Variants in RUNX2 observed in about 807,000 individuals in gnomAD.
The protein encoded by RUNX2 is runt-related transcription factor 2.
Under a neutral mutation model 51.7 loss-of-function variants are expected in RUNX2, and 10 were observed. That is an observed-to-expected ratio of 0.19 (90% CI 0.12 to 0.33). The LOEUF is 0.33. RUNX2 is among the 10% of genes least tolerant of loss of function. RUNX2 has a pLI of 1.00. For synonymous variants in RUNX2, 276 were observed against 273.6 expected, an observed-to-expected ratio of 1.01 and a Z score of -0.09; for missense variants, 562 against 691.3, an observed-to-expected ratio of 0.81 and a Z score of 2.10.
rs73737451 is a variant in RUNX2, at chr6:45,520,657, G to C, written c.1021+8250G>C. Among the ~76,000 whole-genome samples, 365 of 151,564 alleles carry C rather than the reference G, an allele frequency of 2.4e-3. 4 individuals carry two copies. Among genetic ancestry groups the C allele is most frequent in the African/African-American group, 7.7e-3 (318 of 41,256 alleles). The stretch of plus-strand genomic sequence containing the variant: ...AACACCACTTTCTTCAAAGTGAATC[G>C]CTGTCTCATCTACACCCATTTGTAT... On this transcript the variant is annotated intron_variant, in intron 7 of 8. Transcript: ENST00000647337.
At chr6:45,448,743 G>C (rs1006159510) in intron 5 of RUNX2, among the ~76,000 whole-genome samples, 39 of 152,038 alleles carry the variant, frequency 2.6e-4, no homozygotes, top group African/African-American at 7.7e-4. Context: ...ATACAATCTG[G>C]GTAAAAACGC....
chr6:45,546,683 T>C, intron 8 of RUNX2, 144 bp from the exon 9 acceptor site: 1 of 705,116 alleles, frequency 1.4e-6, no homozygotes, highest in Non-Finnish European at 2.4e-6. Flanking sequence ...GTAAAGTGAC[T>C]GGTGCATTTG....
intron 2 of RUNX2, among the ~76,000 whole-genome samples, chr6:45,399,769 AGGAG>A (rs553992896): frequency 0.065 from 9,331 of 142,560 alleles, 330 homozygotes; most frequent in African/African-American, 0.098. Flanking sequence ...AAAGGAAGGA[AGGAG>A]GGAGGGAGGG....
intron 2 of RUNX2, among the ~76,000 whole-genome samples, chr6:45,371,625 C>T (rs1026842787): frequency 6.6e-6 from 1 of 152,068 alleles, no homozygotes; most frequent in African/African-American, 2.4e-5. Context: ...TCCTAAAACA[C>T]TAAAATATTG....
chr6:45,358,509 AT>A (rs1452725365), intron 2 of RUNX2, among the ~76,000 whole-genome samples: 9 of 152,126 alleles, frequency 5.9e-5, no homozygotes, highest in Non-Finnish European at 1.3e-4. Flanking sequence ...CTATACTTGA[AT>A]TACTTTTTAT....
At chr6:45,447,690 T>C (rs1036498591) in intron 5 of RUNX2, among the ~76,000 whole-genome samples, 1 of 152,256 alleles carries the variant, frequency 6.6e-6, no homozygotes, top group Admixed American at 6.5e-5. Flanking sequence ...GTTTAAAAAA[T>C]GTTTATACTT....
rs76112990 is a variant in RUNX2, at chr6:45,438,539, A to G, written c.685+488A>G. The stretch of plus-strand genomic sequence containing the variant: ...ATTACAAAGAATTTATTTGCAAATG[A>G]TAACTTGCTTGATTGTTACAACACT... On this transcript the variant is annotated intron_variant, in intron 5 of 8. Coordinates refer to ENST00000647337, the MANE Select transcript of RUNX2 (RefSeq NM_001024630.4). 3.9e-5 allele frequency among the ~76,000 whole-genome samples: 6 copies of G among 152,368 alleles called. No homozygotes were observed. In the East Asian group the frequency reaches 1.2e-3, roughly 29 times the overall value.
At chr6:45,351,128 G>T (rs960334226) in intron 2 of RUNX2, among the ~76,000 whole-genome samples, 25 of 152,052 alleles carry the variant, frequency 1.6e-4, no homozygotes, top group African/African-American at 5.8e-4. Context: ...TGCCTTCCAC[G>T]AAACTGGTCC....
intron 2 of RUNX2, among the ~76,000 whole-genome samples, chr6:45,351,815 A>G (rs1178165972): frequency 2.6e-5 from 4 of 152,166 alleles, no homozygotes; most frequent in Admixed American, 6.5e-5. Context: ...TAACCCAATT[A>G]TCTTTCTTTC....
intron 2 of RUNX2, among the ~76,000 whole-genome samples, chr6:45,388,582 T>G (rs1463223048): frequency 6.6e-6 from 1 of 152,226 alleles, no homozygotes; most frequent in Non-Finnish European, 1.5e-5. Context: ...CAACTTGCAC[T>G]AGAGCATCTA....
In RUNX2 at chr6:45,536,009, G is replaced by A. The variant is rs539725212; in HGVS notation, c.1022-9208G>A. Among the ~76,000 whole-genome samples the A allele has an allele frequency of 3.9e-5, 6 of 151,944 alleles. No individual in the cohort carries two copies. In the South Asian group the frequency reaches 1.2e-3, roughly 31 times the overall value. On this transcript the variant is annotated intron_variant, in intron 7 of 8. Transcript: ENST00000647337. ...AGTCTAGAAACACACACACACCTGAGCGAAAAAGCCTGACGTGAAGTCACA... is the reference window on the plus strand; with the variant it reads ...AGTCTAGAAACACACACACACCTGAACGAAAAAGCCTGACGTGAAGTCACA...
At chr6:45,429,385 A>G (rs540337214) in intron 3 of RUNX2, among the ~76,000 whole-genome samples, 1 of 152,362 alleles carries the variant, frequency 6.6e-6, no homozygotes, top group African/African-American at 2.4e-5. Flanking sequence ...TGGCGAATGT[A>G]GTCAATTATT....
At chr6:45,458,776 C>G (rs1382713550) in intron 5 of RUNX2, among the ~76,000 whole-genome samples, 1 of 152,122 alleles carries the variant, frequency 6.6e-6, no homozygotes, top group Non-Finnish European at 1.5e-5. Flanking sequence ...AAAAGTGGCT[C>G]TAAGTATGAT....
intron 5 of RUNX2, among the ~76,000 whole-genome samples, chr6:45,440,711 C>T (rs544092803): frequency 8.0e-4 from 121 of 151,860 alleles, no homozygotes; most frequent in African/African-American, 2.8e-3. Context: ...GGTGATGAGA[C>T]CCAAATCTAA....
chr6:45,522,151 A>G (rs1324311272), intron 7 of RUNX2, among the ~76,000 whole-genome samples: 1 of 152,214 alleles, frequency 6.6e-6, no homozygotes, highest in African/African-American at 2.4e-5. Context: ...AGTCATTTCA[A>G]GTCAGCTCAA....
At chr6:45,470,517 G>T (rs1799766302) in intron 5 of RUNX2, among the ~76,000 whole-genome samples, 1 of 152,218 alleles carries the variant, frequency 6.6e-6, no homozygotes, top group African/African-American at 2.4e-5. Flanking sequence ...AGAAGTGTAT[G>T]ATAAATGTCA....
intron 5 of RUNX2, among the ~76,000 whole-genome samples, chr6:45,445,119 G>C (rs1798954543): frequency 6.6e-6 from 1 of 152,108 alleles, no homozygotes; most frequent in African/African-American, 2.4e-5. Flanking sequence ...CCACCTCCTG[G>C]GTTCAAGCGA....
rs1802525294 is a variant in RUNX2, at chr6:45,550,233, G to C, written c.*2928G>C. 1 of 152,528 alleles carries C rather than the reference G, an allele frequency of 6.6e-6. No homozygotes were observed. Among genetic ancestry groups the C allele is most frequent in the Admixed American group, 6.6e-5 (1 of 15,266 alleles). The allele number at this position is 152,528 out of a possible 1,614,324, so 9.4% of individuals were successfully genotyped here. On this transcript the variant is annotated 3_prime_UTR_variant, in exon 9 of 9. Transcript: ENST00000647337. ...GTCTCACAAATTTTAACCCATATCA[G>C]AGTTCCAGAACAGGTACCACAGCTT...
rs868546047 is a variant in RUNX2, at chr6:45,519,808, G to A, written c.1021+7401G>A. On this transcript the variant is annotated intron_variant, in intron 7 of 8. Transcript: ENST00000647337. The stretch of plus-strand genomic sequence containing the variant: ...TATATATATGTGTGTGTGTGTGTGT[G>A]TGTGTGTGTGTGTGTGTGTGTGTGT... Among the ~76,000 whole-genome samples the A allele has an allele frequency of 4.5e-3, 546 of 120,306 alleles. 5 individuals are homozygous for A. Among genetic ancestry groups the A allele is most frequent in the Non-Finnish European group, 5.9e-3 (310 of 52,130 alleles). The allele number at this position is 120,306 out of a possible 152,430, so 78.9% of individuals were successfully genotyped here.
Sources: gnomAD v4.1 joint callset for allele counts (sites outside exome capture counted in the v4.1 genomes callset) on GRCh38, gnomAD v4.1.1 for gene constraint, MANE v1.5 for transcripts, NCBI Gene and HGNC (gene_info 2026-07-23, HGNC 2026-07-21) for gene names.